KCTD19: variants seen among roughly 807,000 people sequenced by gnomAD.
KCTD19 encodes the protein potassium channel tetramerization domain containing 19.
A neutral mutation model predicts 103.5 loss-of-function variants in KCTD19; 67 were observed. That is an observed-to-expected ratio of 0.65 (90% CI 0.53 to 0.79). The LOEUF (loss-of-function observed/expected upper bound fraction) is 0.79. KCTD19 is among the 30% of genes least tolerant of loss of function. The probability of loss-of-function intolerance (pLI) is 0.00; values close to 1 mark genes in which losing one functional copy is unlikely to be tolerated. For synonymous variants in KCTD19, 439 were observed against 452.2 expected, an observed-to-expected ratio of 0.97 and a Z score of 0.37; for missense variants, 980 against 1,136.1, an observed-to-expected ratio of 0.86 and a Z score of 1.98.
Position 67,294,708 on chromosome 16 carries a change from G to A in KCTD19, c.1476-14C>T. ...TGAGTCCATGACCTGCAGAAACCAA[G>A]AGGGGTTGGTTAGTGAGTAGAGACT... On this transcript the variant is annotated splice_polypyrimidine_tract_variant and intron_variant, in intron 10 of 15. Coordinates refer to ENST00000304372, the MANE Select transcript of KCTD19 (RefSeq NM_001100915.3). The A allele has an allele frequency of 6.3e-7, 1 of 1,579,052 alleles. No individual in the cohort carries two copies. Among genetic ancestry groups the A allele is most frequent in the Non-Finnish European group, 8.7e-7 (1 of 1,147,856 alleles).
intron 1 of KCTD19, 45 bp downstream of exon 1, chr16:67,326,660 G>C: frequency 6.4e-7 from 1 of 1,570,128 alleles, no homozygotes; most frequent in Non-Finnish European, 8.6e-7. Context: ...GCCCCCATTC[G>C]CCGCTTTGGT....
chr16:67,293,515 G>T lies in KCTD19; in HGVS notation c.2218+29C>A. 5.6e-6 allele frequency: 9 copies of T among 1,603,068 alleles called. No individual in the cohort carries two copies. The highest frequency in any genetic ancestry group is 1.1e-5 in the South Asian group (1 of 89,722). ...AGTTTGCCTTCTCTGTTGTGAATAAGACTTAGATCAAAGGGGGACAGGACT... is the reference window on the plus strand; with the variant it reads ...AGTTTGCCTTCTCTGTTGTGAATAATACTTAGATCAAAGGGGGACAGGACT... On this transcript the variant is annotated intron_variant, in intron 12 of 15. Coordinates refer to ENST00000304372, the MANE Select transcript of KCTD19 (RefSeq NM_001100915.3). The surrounding 1 kb of genome is among the most constrained non-coding windows in gnomAD (Gnocchi z 4.0).
At chr16:67,313,230 C>T (rs2142517768) in intron 2 of KCTD19, among the ~76,000 whole-genome samples, 1 of 152,172 alleles carries the variant, frequency 6.6e-6, no homozygotes, top group Middle Eastern at 3.4e-3. Flanking sequence ...TCATCTCAGC[C>T]TCCCCGAGTA....
At position 67,296,181 on chromosome 16, in the gene KCTD19, G is replaced by C. The variant is rs1365810384; in HGVS notation, c.1226C>G (p.Thr409Ser). 1 of 1,611,908 alleles carries C rather than the reference G, an allele frequency of 6.2e-7. No homozygotes were observed. Among genetic ancestry groups the C allele is most frequent in the Non-Finnish European group, 8.5e-7 (1 of 1,178,114 alleles). ...KVYVGSHWYATTLQTLLKYPE... is the reference protein window; with the variant it reads ...KVYVGSHWYASTLQTLLKYPE... ...TACCTTCAGCAGTGTCTGCAGGGTG[G>C]TTGCGTACCAGTGGCTTCCAACATA... The change falls in exon 8 of 16, where the codon ACC becomes AGC. Residue 409 changes from threonine (T) to serine (S), a missense_variant. Coordinates refer to ENST00000304372, the MANE Select transcript of KCTD19 (RefSeq NM_001100915.3).
intron 6 of KCTD19, 91 bp from the exon 7 acceptor site, chr16:67,297,754 C>A: frequency 8.0e-7 from 1 of 1,251,186 alleles, no homozygotes; most frequent in Non-Finnish European, 1.1e-6. Flanking sequence ...GGATGCCTTG[C>A]CGCAACACTG....
intron 1 of KCTD19, among the ~76,000 whole-genome samples, chr16:67,321,446 T>A (rs1458754912): frequency 1.3e-5 from 2 of 152,212 alleles, no homozygotes; most frequent in Admixed American, 1.3e-4. Context: ...AAATATCTCA[T>A]GCTCATGGAT....
At chr16:67,292,951 C>G (rs973463249) in intron 12 of KCTD19, among the ~76,000 whole-genome samples, 9 of 152,176 alleles carry the variant, frequency 5.9e-5, no homozygotes, top group Non-Finnish European at 1.3e-4. Flanking sequence ...CCTCCACTAC[C>G]TGCCTAGCCT....
rs1228675948 is a variant in KCTD19 at position 67,289,563 on chromosome 16, G to A, written c.*6C>T. 6.3e-7 allele frequency: 1 copy of A among 1,586,746 alleles called. No homozygotes were observed. Among genetic ancestry groups the A allele is most frequent in the African/African-American group, 1.3e-5 (1 of 74,324 alleles). On this transcript the variant is annotated 3_prime_UTR_variant, in exon 16 of 16. Coordinates refer to ENST00000304372, the MANE Select transcript of KCTD19 (RefSeq NM_001100915.3). ...TGGGGCATGAGGGGCTGCATCTCTGGGCACCCTAGTCCTCTTGTAGGTACT... is the reference window on the plus strand; with the variant it reads ...TGGGGCATGAGGGGCTGCATCTCTGAGCACCCTAGTCCTCTTGTAGGTACT...
intron 6 of KCTD19, 113 bp from the exon 7 acceptor site, chr16:67,297,776 G>T (rs777496165): frequency 1.0e-6 from 1 of 972,126 alleles, no homozygotes; most frequent in Admixed American, 2.4e-5. Flanking sequence ...CTTAAATCAG[G>T]CATCATTAAC....
intron 14 of KCTD19, 120 bp downstream of exon 14, chr16:67,291,189 G>T: frequency 7.7e-7 from 1 of 1,295,414 alleles, no homozygotes. Flanking sequence ...TTCTGGCCCT[G>T]GCCTTCTCCT....
In KCTD19 at chr16:67,293,745, C is replaced by T. The variant is rs559952169; in HGVS notation, c.2017G>A (p.Gly673Arg). ...CTGGGCTGGGAAGCAGCCTCGCTTCCCAAGGGGAGCTGCAGGGTGGCCTCC... is the reference window on the plus strand; with the variant it reads ...CTGGGCTGGGAAGCAGCCTCGCTTCTCAAGGGGAGCTGCAGGGTGGCCTCC... ...LEEATLQLPL[G>R]SEAASQPSTS... is the part of the protein sequence containing the mutation. The change falls in exon 12 of 16, where the codon GGA becomes AGA. Residue 673 changes from glycine (G) to arginine (R), a missense_variant. Gly to Arg is a moderately radical substitution (Grantham distance 125, BLOSUM62 -2). Coordinates refer to ENST00000304372, the MANE Select transcript of KCTD19 (RefSeq NM_001100915.3). The surrounding 1 kb of genome is among the most constrained non-coding windows in gnomAD (Gnocchi z 4.0). 38 of 1,613,964 alleles carry T rather than the reference C, an allele frequency of 2.4e-5. No homozygotes were observed. The South Asian group carries it at 3.8e-4, about 16-fold the overall frequency.
At chr16:67,326,330 C>T (rs1299975150) in intron 1 of KCTD19, among the ~76,000 whole-genome samples, 1 of 152,046 alleles carries the variant, frequency 6.6e-6, no homozygotes, top group Non-Finnish European at 1.5e-5. Context: ...AGCTCCCCAT[C>T]ATGCCTTAGA....
At chr16:67,294,774 G>T in intron 10 of KCTD19, 80 bp from the exon 11 acceptor site, 1 of 1,120,422 alleles carries the variant, frequency 8.9e-7, no homozygotes, top group Non-Finnish European at 1.4e-6. Flanking sequence ...CTGCTCTTTG[G>T]CTGGGAGTTA....
rs944072011 is a variant in KCTD19, at chr16:67,309,207, A to G, written c.301-4636T>C. On this transcript the variant is annotated intron_variant, in intron 2 of 15. Coordinates refer to ENST00000304372, the MANE Select transcript of KCTD19 (RefSeq NM_001100915.3). ...GGCTGATTCTCTGCAAAGAAAAGCA[A>G]AAAGAAACATGGGAGATCTCCAAAG... 2.6e-5 allele frequency among the ~76,000 whole-genome samples: 4 copies of G among 152,162 alleles called. No individual in the cohort carries two copies. In the South Asian group the frequency reaches 8.3e-4, roughly 32 times the overall value.
rs1234920576 is a variant in KCTD19, at chr16:67,303,197, C to T, written c.592G>A (p.Ala198Thr). 8 of 1,611,702 alleles carry T rather than the reference C, an allele frequency of 5.0e-6. No homozygotes were observed. The East Asian group carries it at 8.9e-5, about 18-fold the overall frequency. Residue 198 changes from alanine (A) to threonine (T), a missense_variant, in exon 4 of 16, where the codon GCT becomes ACT. Physicochemically the swap from Ala to Thr is moderately conservative, Grantham distance 58 (BLOSUM62 0). Transcript: ENST00000304372. This position sits in a 1 kb window ranked among gnomAD's most constrained non-coding sequence, Gnocchi z 4.3. ...LVTEDNLLWLAETVALIECEC... is the reference protein window; with the variant it reads ...LVTEDNLLWLTETVALIECEC... ...CACTCGATGAGGGCCACCGTCTCAG[C>T]CAGCCACAGCAGGTTGTCTTCAGTC...
intron 2 of KCTD19, among the ~76,000 whole-genome samples, chr16:67,309,034 T>A (rs1414846068): frequency 6.7e-6 from 1 of 149,464 alleles, no homozygotes; most frequent in Non-Finnish European, 1.5e-5. Context: ...CTCTGGAGGC[T>A]GAGGCAATCA....
chr16:67,320,837 T>C lies in KCTD19; in HGVS notation c.52A>G (p.Asn18Asp). Residue 18 changes from asparagine to aspartate, a missense_variant, in exon 2 of 16, where the codon AAC becomes GAC. Asn to Asp is a conservative substitution (Grantham distance 23). Transcript: ENST00000304372. This position sits in a 1 kb window ranked among gnomAD's most constrained non-coding sequence, Gnocchi z 4.0. Reference sequence around the variant, plus strand: ...ACTGAGAAATGCCAGCCCCCTACGTTGAAATGAAACAAGTCCTCTGCTGAT... The same window carrying C: ...ACTGAGAAATGCCAGCCCCCTACGTCGAAATGAAACAAGTCCTCTGCTGAT... ...HESAEDLFHF[N>D]VGGWHFSVPR... is the part of the protein sequence containing the mutation. 1 of 1,614,052 alleles carries C rather than the reference T, an allele frequency of 6.2e-7. No individual in the cohort carries two copies. Among genetic ancestry groups the C allele is most frequent in the Middle Eastern group, 1.6e-4 (1 of 6,062 alleles).
intron 2 of KCTD19, among the ~76,000 whole-genome samples, chr16:67,315,159 C>T (rs1247201887): frequency 6.6e-6 from 1 of 152,088 alleles, no homozygotes; most frequent in African/African-American, 2.4e-5. Flanking sequence ...CCTGTGTCTT[C>T]ACCATGGCTT....
chr16:67,294,700 G>A lies in KCTD19; in HGVS notation c.1476-6C>T. The A allele has an allele frequency of 6.3e-7, 1 of 1,599,782 alleles. No homozygotes were observed. Among genetic ancestry groups the A allele is most frequent in the Non-Finnish European group, 8.6e-7 (1 of 1,166,894 alleles). On this transcript the variant is annotated splice_polypyrimidine_tract_variant and splice_region_variant and intron_variant, in intron 10 of 15. Transcript: ENST00000304372. Reference sequence around the variant, plus strand: ...CTTTCTCCTGAGTCCATGACCTGCAGAAACCAAGAGGGGTTGGTTAGTGAG... The same window carrying A: ...CTTTCTCCTGAGTCCATGACCTGCAAAAACCAAGAGGGGTTGGTTAGTGAG...
Sources: allele counts gnomAD v4.1 joint callset (sites outside exome capture counted in the v4.1 genomes callset), GRCh38; gene constraint gnomAD v4.1.1; non-coding constraint Gnocchi (gnomAD v3.1); transcripts MANE v1.5; gene names NCBI Gene and HGNC (gene_info 2026-07-23, HGNC 2026-07-21).